Variants in ANKRD18B observed in about 807,000 individuals in gnomAD.
ANKRD18B encodes the protein ankyrin repeat domain-containing protein 18B.
In ANKRD18B, 75 loss-of-function variants were observed where a neutral mutation model predicts 111.8. That is an observed-to-expected ratio of 0.67 (90% CI 0.56 to 0.81). The LOEUF is 0.81. ANKRD18B is among the 40% of genes least tolerant of loss of function. ANKRD18B has a pLI of 0.00. For missense variants in ANKRD18B, 1,038 were observed against 1,225.5 expected, an observed-to-expected ratio of 0.85 and a Z score of 2.28; for synonymous variants, 356 against 417.3, an observed-to-expected ratio of 0.85 and a Z score of 1.79.
In ANKRD18B at chr9:33,541,063, G is replaced by A. The variant is rs184978353; in HGVS notation, c.998-84G>A. The A allele has an allele frequency of 1.8e-4, 270 of 1,489,624 alleles. No homozygotes were observed. The Admixed American group carries it at 5.0e-3, about 28-fold the overall frequency. The allele number at this position is 1,489,624 out of a possible 1,614,324, so 92.3% of individuals were successfully genotyped here. ...GGGTAGGATTTAGGGTAAGCATGCA[G>A]AGTAAGTGAAACTTTGCCAGGTAAG... On this transcript the variant is annotated intron_variant, in intron 8 of 18. Coordinates refer to ENST00000684830, the MANE Select transcript of ANKRD18B (RefSeq NM_001393611.1).
intron 14 of ANKRD18B, among the ~76,000 whole-genome samples, chr9:33,559,667 T>G: frequency 6.6e-6 from 1 of 152,192 alleles, no homozygotes; most frequent in South Asian, 2.1e-4. Context: ...AAAATATATA[T>G]GTATATATTT....
At chr9:33,531,816 A>G (rs1190264142) in intron 3 of ANKRD18B, among the ~76,000 whole-genome samples, 4 of 151,508 alleles carry the variant, frequency 2.6e-5, no homozygotes, top group Non-Finnish European at 2.9e-5. Flanking sequence ...TTTTATATCT[A>G]TACCACAAAT....
intron 1 of ANKRD18B, among the ~76,000 whole-genome samples, chr9:33,527,419 T>C (rs538757113): frequency 1.3e-5 from 2 of 152,206 alleles, no homozygotes; most frequent in Non-Finnish European, 1.5e-5. Flanking sequence ...CTGCCAAGGT[T>C]CAAGCGATTA....
chr9:33,531,034 T>A (rs1298308283), intron 3 of ANKRD18B, among the ~76,000 whole-genome samples: 1 of 152,220 alleles, frequency 6.6e-6, no homozygotes, highest in East Asian at 1.9e-4. Context: ...GTATGTCTGT[T>A]AAGGTTATAG....
intron 6 of ANKRD18B, among the ~76,000 whole-genome samples, chr9:33,538,312 C>T (rs1332752248): frequency 1.3e-5 from 2 of 152,212 alleles, no homozygotes; most frequent in Non-Finnish European, 2.9e-5. Flanking sequence ...TATTCTTATA[C>T]AAACAAGGTC....
chr9:33,533,685 C>T, intron 4 of ANKRD18B, 140 bp downstream of exon 4: 1 of 1,395,264 alleles, frequency 7.2e-7, no homozygotes, highest in Non-Finnish European at 9.3e-7. Flanking sequence ...CATGAATAAT[C>T]AGGTAGAAAA....
intron 3 of ANKRD18B, 105 bp downstream of exon 3, chr9:33,529,278 T>C: frequency 7.1e-7 from 1 of 1,414,726 alleles, no homozygotes; most frequent in Non-Finnish European, 9.3e-7. Context: ...ATGAAAATGT[T>C]TTGAAATAAC....
At chr9:33,533,593 T>A in intron 4 of ANKRD18B, 48 bp downstream of exon 4, 3 of 1,507,272 alleles carry the variant, frequency 2.0e-6, no homozygotes, top group Non-Finnish European at 2.7e-6. Context: ...AAAACCTGAG[T>A]GTTCTAGAGT....
rs1240220923 is a variant in ANKRD18B at position 33,548,364 on chromosome 9, C to T, written c.1576C>T (p.His526Tyr). Residue 526 changes from histidine to tyrosine, a missense_variant, in exon 11 of 19, where the codon CAT becomes TAT. His to Tyr is a moderately conservative substitution (Grantham distance 83, BLOSUM62 2). Transcript: ENST00000684830. The part of the protein sequence containing the change: ...VLWRADDVSR[H>Y]ETMGSNISQL... ...ATGGAGAGCAGATGATGTTTCTAGA[C>T]ATGAAACAATGGGTTCTAATATTTC... is the stretch of plus-strand genomic sequence containing the variant. The T allele has an allele frequency of 1.9e-6, 3 of 1,550,026 alleles. No individual in the cohort carries two copies. The African/African-American group carries it at 4.1e-5, about 21-fold the overall frequency.
chr9:33,574,838 A>G (rs535151856), downstream of ANKRD18B, among the ~76,000 whole-genome samples: 2 of 152,328 alleles, frequency 1.3e-5, no homozygotes, highest in African/African-American at 2.4e-5. Context: ...TCTTGACCCA[A>G]GCAGGCTCCT....
chr9:33,535,523 G>A (rs1472690721), intron 5 of ANKRD18B, among the ~76,000 whole-genome samples: 1 of 151,462 alleles, frequency 6.6e-6, no homozygotes, highest in Non-Finnish European at 1.5e-5. Flanking sequence ...TCCTGACCTT[G>A]TGATCCACCT....
At chr9:33,573,199 A>G, downstream of ANKRD18B, 1 of 985,354 alleles carries the variant, frequency 1.0e-6, no homozygotes. Context: ...TTAAAAGCAG[A>G]GTTGGAGCCA....
chr9:33,567,223 T>C lies in ANKRD18B; in HGVS notation c.2863T>C (p.Tyr955His), dbSNP rs1238827466. The C allele has an allele frequency of 1.9e-6, 3 of 1,550,190 alleles. No homozygotes were observed. The highest frequency in any genetic ancestry group is 2.6e-6 in the Non-Finnish European group (3 of 1,146,338). Reference protein sequence around the residue: ...ECKFSKMKTAYEDVTTELEEY... With the variant: ...ECKFSKMKTAHEDVTTELEEY... ...TAAATTCTCCAAAATGAAAACAGCT[T>C]ATGAAGATGTTACAACTGAATTAGA... The change falls in exon 16 of 19, where the codon TAT (tyrosine) becomes CAT (histidine). Residue 955 changes from tyrosine (Y) to histidine (H), a missense_variant. Tyr to His is a moderately conservative substitution (Grantham distance 83). This residue lies in a region of ANKRD18B where 524 missense variants were observed against 677.9 expected (regional missense o/e 0.77). Transcript: ENST00000684830.
chr9:33,550,728 T>C, intron 12 of ANKRD18B, 149 bp downstream of exon 12: 1 of 854,232 alleles, frequency 1.2e-6, no homozygotes, highest in Non-Finnish European at 1.6e-6. Flanking sequence ...CTTTATAACG[T>C]ACTTCTTCAA....
intron 10 of ANKRD18B, among the ~76,000 whole-genome samples, chr9:33,545,047 G>A (rs1563902977): frequency 6.6e-6 from 1 of 152,086 alleles, no homozygotes; most frequent in African/African-American, 2.4e-5. Flanking sequence ...GCTATTCCAG[G>A]CATTGGCTGA....
intron 14 of ANKRD18B, among the ~76,000 whole-genome samples, chr9:33,560,434 T>C (rs1454521002): frequency 6.6e-6 from 1 of 152,234 alleles, no homozygotes; most frequent in Non-Finnish European, 1.5e-5. Flanking sequence ...CAGGTTCCCT[T>C]ATCTGCACCG....
At chr9:33,562,403 A>G (rs1828620229) in intron 14 of ANKRD18B, among the ~76,000 whole-genome samples, 1 of 151,862 alleles carries the variant, frequency 6.6e-6, no homozygotes, top group Non-Finnish European at 1.5e-5. Flanking sequence ...CTTGGTGCAG[A>G]TCTTGCATTC....
intron 3 of ANKRD18B, among the ~76,000 whole-genome samples, chr9:33,531,068 A>G (rs1342643560): frequency 6.6e-6 from 1 of 152,168 alleles, no homozygotes; most frequent in Non-Finnish European, 1.5e-5. Context: ...TCGGGATGTC[A>G]GTTTTAAACA....
intron 12 of ANKRD18B, among the ~76,000 whole-genome samples, chr9:33,551,952 G>A (rs1828453308): frequency 6.6e-6 from 1 of 152,158 alleles, no homozygotes; most frequent in African/African-American, 2.4e-5. Context: ...CCAGTCTGCA[G>A]AACAACTTAG....
Sources: allele counts gnomAD v4.1 joint callset (sites outside exome capture counted in the v4.1 genomes callset), GRCh38; gene constraint gnomAD v4.1.1; regional missense constraint gnomAD v4.1.1; transcripts MANE v1.5; gene names NCBI Gene and HGNC (gene_info 2026-07-23, HGNC 2026-07-21).